The following ERP44 variants were observed in gnomAD, a reference collection of about 807,000 sequenced individuals.
The protein encoded by ERP44 is endoplasmic reticulum resident protein 44.
In ERP44, 25 loss-of-function variants were observed where a neutral mutation model predicts 53.4. The observed-to-expected ratio is 0.47, with a 90% CI of 0.34 to 0.65. ERP44 has a LOEUF of 0.65. Among genes scored for constraint, ERP44 ranks in the 30% least tolerant of loss-of-function variants. ERP44 has a pLI of 0.01. For missense variants in ERP44, 338 were observed against 493.2 expected, an observed-to-expected ratio of 0.69 and a Z score of 2.98; for synonymous variants, 145 against 161.2, an observed-to-expected ratio of 0.90 and a Z score of 0.76.
chr9:100,011,449 G>T (rs2118639216), intron 8 of ERP44, among the ~76,000 whole-genome samples: 1 of 152,292 alleles, frequency 6.6e-6, no homozygotes, highest in South Asian at 2.1e-4. Context: ...GCACATAGAA[G>T]GGTATTATTC....
At chr9:99,997,435 G>A (rs549923792) in intron 10 of ERP44, among the ~76,000 whole-genome samples, 9 of 152,040 alleles carry the variant, frequency 5.9e-5, no homozygotes, top group Admixed American at 4.6e-4. Context: ...TTTAATAAAT[G>A]GTTAAAATCG....
At chr9:99,985,707 G>GT (rs910380583) in intron 10 of ERP44, among the ~76,000 whole-genome samples, 6 of 151,968 alleles carry the variant, frequency 3.9e-5, no homozygotes, top group East Asian at 1.9e-4. Flanking sequence ...GCATTTTCAT[G>GT]TTTTTTTTCC....
chr9:100,065,607 A>G (rs963921266), intron 1 of ERP44, among the ~76,000 whole-genome samples: 3 of 152,214 alleles, frequency 2.0e-5, no homozygotes, highest in Non-Finnish European at 2.9e-5. Flanking sequence ...ATTTTTGTCA[A>G]TTATACCCTA....
At chr9:100,062,909 C>CA (rs995118376) in intron 1 of ERP44, among the ~76,000 whole-genome samples, 7 of 151,436 alleles carry the variant, frequency 4.6e-5, no homozygotes, top group African/African-American at 1.7e-4. Flanking sequence ...CCTGTCTCTA[C>CA]AAAAAACTTA....
At chr9:100,064,072 TCTCCCTGCTCTGAACA>T (rs1826185417) in intron 1 of ERP44, among the ~76,000 whole-genome samples, 1 of 152,196 alleles carries the variant, frequency 6.6e-6, no homozygotes, top group Admixed American at 6.5e-5. Flanking sequence ...AATTTATATC[TCTCCCTGCTCTGAACA>T]CCAAGAGCAC....
chr9:99,979,935 C>A lies in ERP44; in HGVS notation c.*2677G>T. ...CAATATATACTACAAACCCCTTAGT[C>A]TGGCACACAAGGCCCTGTGTGACCA... On this transcript the variant is annotated 3_prime_UTR_variant, in exon 12 of 12. Transcript: ENST00000262455. The A allele has an allele frequency of 2.5e-6, 1 of 398,500 alleles. No individual in the cohort carries two copies. Among genetic ancestry groups the A allele is most frequent in the Non-Finnish European group, 4.4e-6 (1 of 226,000 alleles). 24.7% of individuals were successfully genotyped at this position (398,500 alleles called of 1,614,324 possible). A position where few individuals can be genotyped will look rare whatever the true frequency, so the allele number is the denominator to read the frequency against.
At chr9:100,011,792 T>C (rs1564089333) in intron 8 of ERP44, among the ~76,000 whole-genome samples, 3 of 152,094 alleles carry the variant, frequency 2.0e-5, no homozygotes, top group African/African-American at 7.2e-5. Flanking sequence ...CATTACTGAA[T>C]AAAAAAATAC....
chr9:100,021,975 T>G, intron 5 of ERP44, 67 bp downstream of exon 5: 1 of 1,406,162 alleles, frequency 7.1e-7, no homozygotes, highest in South Asian at 1.3e-5. Context: ...AGATTTTTTG[T>G]TTGCATTAGA....
rs561550808 is a variant in ERP44, at chr9:99,979,873, C to G, written c.*2739G>C. On this transcript the variant is annotated 3_prime_UTR_variant, in exon 12 of 12. Coordinates refer to ENST00000262455, the MANE Select transcript of ERP44 (RefSeq NM_015051.3). ...CTCAAACTTTAAAGTGAACATACTT[C>G]CTTGCTTGCAATCTGTTGATGGATC... is the stretch of plus-strand genomic sequence containing the variant. 2.5e-6 allele frequency: 1 copy of G among 398,248 alleles called. No individual in the cohort carries two copies. The highest frequency in any genetic ancestry group is 1.3e-4 in the South Asian group (1 of 7,734). 24.7% of individuals were successfully genotyped at this position (398,248 alleles called of 1,614,324 possible).
At chr9:100,044,287 T>C (rs762296663) in intron 4 of ERP44, among the ~76,000 whole-genome samples, 1 of 152,184 alleles carries the variant, frequency 6.6e-6, no homozygotes, top group Non-Finnish European at 1.5e-5. Context: ...GTGCTAGGAA[T>C]AGAAAGGTAA....
Position 99,979,889 on chromosome 9 carries a change from T to C in ERP44, c.*2723A>G. 1 of 398,448 alleles carries C rather than the reference T, an allele frequency of 2.5e-6. No individual in the cohort carries two copies. The highest frequency in any genetic ancestry group is 4.4e-6 in the Non-Finnish European group (1 of 225,886). 24.7% of individuals were successfully genotyped at this position (398,448 alleles called of 1,614,324 possible). ...AACATACTTCCTTGCTTGCAATCTG[T>C]TGATGGATCTCTTCTGCCTACAATA... On this transcript the variant is annotated 3_prime_UTR_variant, in exon 12 of 12. Transcript: ENST00000262455.
intron 11 of ERP44, among the ~76,000 whole-genome samples, chr9:99,983,474 A>G (rs564803162): frequency 6.7e-6 from 1 of 149,046 alleles, no homozygotes; most frequent in East Asian, 2.0e-4. Flanking sequence ...GAACCCGGGA[A>G]GCGGAGCTTG....
At chr9:100,078,690 G>A (rs996312511) in intron 1 of ERP44, among the ~76,000 whole-genome samples, 2 of 151,906 alleles carry the variant, frequency 1.3e-5, no homozygotes, top group Admixed American at 6.6e-5. Flanking sequence ...AGGAAGCGGA[G>A]GCTGCAGTGA....
At chr9:100,022,528 A>C (rs2118656844) in intron 4 of ERP44, among the ~76,000 whole-genome samples, 1 of 152,332 alleles carries the variant, frequency 6.6e-6, no homozygotes, top group African/African-American at 2.4e-5. Context: ...CTACCACATA[A>C]GATTGTCTTA....
intron 1 of ERP44, among the ~76,000 whole-genome samples, chr9:100,070,320 T>C (rs1020935923): frequency 3.9e-5 from 6 of 152,196 alleles, no homozygotes; most frequent in African/African-American, 7.2e-5. Context: ...AAAAACATAA[T>C]TTGTACATGG....
chr9:99,987,835 G>C (rs1261945866), intron 10 of ERP44, among the ~76,000 whole-genome samples: 1 of 151,762 alleles, frequency 6.6e-6, no homozygotes, highest in African/African-American at 2.4e-5. Context: ...AAAAAGATCT[G>C]TTCCTGTATC....
At chr9:100,074,664 A>G (rs1049913031) in intron 1 of ERP44, among the ~76,000 whole-genome samples, 4 of 152,208 alleles carry the variant, frequency 2.6e-5, no homozygotes, top group African/African-American at 9.6e-5. Flanking sequence ...TCCTTCCCCA[A>G]GGAGACCTCT....
At chr9:99,995,910 T>C (rs1189261688) in intron 10 of ERP44, among the ~76,000 whole-genome samples, 1 of 148,250 alleles carries the variant, frequency 6.7e-6, no homozygotes, top group East Asian at 2.0e-4. Flanking sequence ...TGCTGGATCA[T>C]AGGGTAGTTC....
At chr9:100,002,370 G>A (rs1045874396) in intron 10 of ERP44, among the ~76,000 whole-genome samples, 10 of 152,172 alleles carry the variant, frequency 6.6e-5, no homozygotes, top group African/African-American at 1.4e-4. Context: ...ATACTTTCAC[G>A]TTTTCATGTT....
Sources: gnomAD v4.1 joint callset for allele counts (sites outside exome capture counted in the v4.1 genomes callset) on GRCh38, gnomAD v4.1.1 for gene constraint, MANE v1.5 for transcripts, NCBI Gene and HGNC (gene_info 2026-07-23, HGNC 2026-07-21) for gene names.